Variants in PHF21B observed in about 807,000 individuals in gnomAD.
The protein encoded by PHF21B is PHD finger protein 4.
Under a neutral mutation model 62.2 loss-of-function variants are expected in PHF21B, and 22 were observed. The observed-to-expected ratio is 0.35, with a 90% CI of 0.25 to 0.51. The LOEUF is 0.51. PHF21B is among the 20% of genes least tolerant of loss of function. The pLI is 0.97. For missense variants in PHF21B, 701 were observed against 707.9 expected (o/e 0.99, Z 0.11); for synonymous variants, 341 against 314.7 (o/e 1.08, Z -0.88).
At position 45,009,435 on chromosome 22, in the gene PHF21B, C is replaced by T. The variant is rs2073384903; in HGVS notation, c.54+61G>A. ...GAAGAGAGGATGCTGGGCTCGGGTC[C>T]CCCGACCCCCTCACCCCGCAACACA... On this transcript the variant is annotated intron_variant, in intron 1 of 12. Coordinates refer to ENST00000313237, the MANE Select transcript of PHF21B (RefSeq NM_138415.5). This position sits in a 1 kb window ranked among gnomAD's most constrained non-coding sequence, Gnocchi z 5.9. 2 of 1,450,732 alleles carry T rather than the reference C, an allele frequency of 1.4e-6. No individual in the cohort carries two copies. Among genetic ancestry groups the T allele is most frequent in the Non-Finnish European group, 1.8e-6 (2 of 1,088,930 alleles). 89.9% of individuals were successfully genotyped at this position (1,450,732 alleles called of 1,614,324 possible).
intron 2 of PHF21B, among the ~76,000 whole-genome samples, chr22:44,994,379 C>A (rs2073087135): frequency 6.6e-6 from 1 of 152,072 alleles, no homozygotes; most frequent in Non-Finnish European, 1.5e-5. Context: ...CAGGTGTAGA[C>A]AGAGGCAGAG....
At chr22:44,918,000 T>G (rs976991530) in intron 3 of PHF21B, among the ~76,000 whole-genome samples, 8 of 152,210 alleles carry the variant, frequency 5.3e-5, no homozygotes, top group Non-Finnish European at 5.9e-5. Flanking sequence ...GGGCAGGCGA[T>G]GTGGCCAGCC....
In PHF21B at chr22:44,883,209, G is replaced by A. The variant is rs760878650; in HGVS notation, c.1473C>T (p.Gly491=). ...RLRALLRLIQ[G]EQLLQVTMTT... ...TCATGGTGACCTGGAGCAGCTGCTC[G>A]CCCTGTATCAGTCTCAGGAGGGCCC... The change falls in exon 13 of 13, where the codon GGC becomes GGT. Residue 491 remains glycine (G), a synonymous_variant. Coordinates refer to ENST00000313237, the MANE Select transcript of PHF21B (RefSeq NM_138415.5). 21 of 1,613,656 alleles carry A rather than the reference G, an allele frequency of 1.3e-5. No homozygotes were observed. Among genetic ancestry groups the A allele is most frequent in the Middle Eastern group, 1.6e-4 (1 of 6,062 alleles).
At chr22:44,936,890 G>A (rs899936381) in intron 2 of PHF21B, among the ~76,000 whole-genome samples, 4 of 48,896 alleles carry the variant, frequency 8.2e-5, no homozygotes, top group Non-Finnish European at 1.5e-4. Context: ...TTTTTTTCCT[G>A]AGATGGAGTT....
At chr22:44,921,359 C>CT (rs11309607) in intron 2 of PHF21B, among the ~76,000 whole-genome samples, 39 of 147,020 alleles carry the variant, frequency 2.7e-4, no homozygotes, top group South Asian at 6.4e-4. Flanking sequence ...CGGAACAGTT[C>CT]TTTTTTTTTT....
intron 2 of PHF21B, among the ~76,000 whole-genome samples, chr22:45,007,589 G>GGAGA (rs897169944): frequency 6.8e-6 from 1 of 147,974 alleles, no homozygotes; most frequent in Non-Finnish European, 1.5e-5. Flanking sequence ...GGCAGCGGAG[G>GGAGA]GAGGGAGGGG....
At chr22:44,918,748 G>A (rs879001747) in intron 3 of PHF21B, among the ~76,000 whole-genome samples, 1 of 152,236 alleles carries the variant, frequency 6.6e-6, no homozygotes, top group Admixed American at 6.5e-5. Flanking sequence ...GAGACAGCAA[G>A]GACAAAACAT....
intron 8 of PHF21B, 135 bp downstream of exon 8, chr22:44,891,171 C>T (rs972843333): frequency 1.1e-6 from 1 of 940,744 alleles, no homozygotes; most frequent in African/African-American, 1.6e-5. Flanking sequence ...AGCACAGCAT[C>T]CTCACCTTCC....
intron 2 of PHF21B, among the ~76,000 whole-genome samples, chr22:44,958,734 T>C (rs902715100): frequency 6.6e-6 from 1 of 150,794 alleles, no homozygotes. Flanking sequence ...GCCTCTTGAG[T>C]AGCTGGAATT....
At chr22:44,954,711 C>G (rs2072259828) in intron 2 of PHF21B, among the ~76,000 whole-genome samples, 1 of 152,252 alleles carries the variant, frequency 6.6e-6, no homozygotes, top group South Asian at 2.1e-4. Flanking sequence ...GCACCAACAT[C>G]CATCTCTAGG....
chr22:44,885,195 A>T (rs1032171054), intron 12 of PHF21B, among the ~76,000 whole-genome samples: 7 of 152,194 alleles, frequency 4.6e-5, no homozygotes, highest in African/African-American at 1.7e-4. Context: ...CTAAGGACAC[A>T]TCTGCCTGTC....
chr22:44,930,394 G>T lies in PHF21B; in HGVS notation c.121-9904C>A, dbSNP rs148875432. On this transcript the variant is annotated intron_variant, in intron 2 of 12. Transcript: ENST00000313237. ...AGAACATGTGGAGGCTTACTATAGG[G>T]CCCTTTGTATATTTTATAATAAATA... 3.2e-3 allele frequency among the ~76,000 whole-genome samples: 481 copies of T among 152,322 alleles called. 2 individuals carry two copies. The highest frequency in any genetic ancestry group is 0.01 in the African/African-American group (427 of 41,558).
At chr22:44,935,786 A>C (rs569362042) in intron 2 of PHF21B, among the ~76,000 whole-genome samples, 148 of 152,236 alleles carry the variant, frequency 9.7e-4, no homozygotes, top group African/African-American at 3.5e-3. Flanking sequence ...TAAGATGGAG[A>C]TGTTGATGCC....
chr22:44,994,123 C>T (rs572493973), intron 2 of PHF21B, among the ~76,000 whole-genome samples: 59 of 152,314 alleles, frequency 3.9e-4, no homozygotes, highest in African/African-American at 1.3e-3. Flanking sequence ...GGGGCATCCC[C>T]GCAACGTGAA....
At chr22:44,942,016 C>T (rs1485844438) in intron 2 of PHF21B, among the ~76,000 whole-genome samples, 9 of 152,302 alleles carry the variant, frequency 5.9e-5, no homozygotes, top group Admixed American at 3.3e-4. Context: ...GAAAAGTCCA[C>T]GACATGGCCC....
At chr22:45,008,734 G>A in intron 1 of PHF21B, 124 bp from the exon 2 acceptor site, 3 of 1,163,550 alleles carry the variant, frequency 2.6e-6, no homozygotes, top group Non-Finnish European at 3.2e-6. Flanking sequence ...CGCACCCCAA[G>A]TTTCCCGGGC....
At chr22:44,952,628 A>C in intron 2 of PHF21B, among the ~76,000 whole-genome samples, 1 of 152,224 alleles carries the variant, frequency 6.6e-6, no homozygotes. Flanking sequence ...GAATATGATA[A>C]ATTTCTGTTT....
intron 2 of PHF21B, among the ~76,000 whole-genome samples, chr22:44,929,745 C>G (rs1174514242): frequency 6.6e-6 from 1 of 152,342 alleles, no homozygotes; most frequent in East Asian, 1.9e-4. Flanking sequence ...GCACTTGAGT[C>G]GTTCCAATGG....
chr22:44,916,690 G>C (rs1041617417), intron 3 of PHF21B, 60 bp from the exon 4 acceptor site: 2 of 1,473,600 alleles, frequency 1.4e-6, no homozygotes, highest in African/African-American at 1.4e-5. Flanking sequence ...GCAGGGGAGG[G>C]GCCGCCCTGG....
Sources: allele counts gnomAD v4.1 joint callset (sites outside exome capture counted in the v4.1 genomes callset), GRCh38; gene constraint gnomAD v4.1.1; non-coding constraint Gnocchi (gnomAD v3.1); transcripts MANE v1.5; gene names NCBI Gene and HGNC (gene_info 2026-07-23, HGNC 2026-07-21).